Variants in STX18 observed in about 807,000 individuals in gnomAD.
The protein encoded by STX18 is syntaxin 18, also known as syntaxin-18.
In STX18, 40 loss-of-function variants were observed where a neutral mutation model predicts 50.1. That is an observed-to-expected ratio of 0.80 (90% CI 0.62 to 1.04). The LOEUF is 1.04. Ranked by LOEUF, STX18 falls within the 50% of genes least tolerant of loss-of-function variation. The pLI, the probability that STX18 is intolerant of heterozygous loss-of-function variation, is 0.00. For synonymous variants in STX18, 158 were observed against 151.8 expected (o/e 1.04, Z -0.30); for missense variants, 410 against 415.8 (o/e 0.99, Z 0.12).
At chr4:4,529,036 T>C (rs1251217426) in intron 1 of STX18, among the ~76,000 whole-genome samples, 2 of 152,158 alleles carry the variant, frequency 1.3e-5, no homozygotes, top group East Asian at 3.8e-4. Context: ...TTTTCTCTTT[T>C]CCCCAAAAGC....
intron 1 of STX18, among the ~76,000 whole-genome samples, chr4:4,517,322 C>T (rs1730315057): frequency 1.3e-5 from 2 of 152,108 alleles, no homozygotes; most frequent in Admixed American, 6.6e-5. Context: ...AATAGAAACA[C>T]CCCAACATCA....
intron 7 of STX18, among the ~76,000 whole-genome samples, chr4:4,429,458 C>T (rs773235991): frequency 2.6e-5 from 4 of 152,130 alleles, no homozygotes; most frequent in Non-Finnish European, 5.9e-5. Flanking sequence ...TATAAAATGA[C>T]GCCAAGAGAA....
chr4:4,504,007 A>C (rs1262798344), intron 1 of STX18, among the ~76,000 whole-genome samples: 3 of 152,192 alleles, frequency 2.0e-5, no homozygotes, highest in African/African-American at 7.2e-5. Context: ...AAATTCTTTT[A>C]GGGGATACAT....
At chr4:4,472,815 T>C (rs1186225332) in intron 1 of STX18, among the ~76,000 whole-genome samples, 3 of 152,184 alleles carry the variant, frequency 2.0e-5, no homozygotes, top group African/African-American at 4.8e-5. Context: ...CAAAATAGCA[T>C]TGATCACAAA....
chr4:4,440,454 G>C (rs1485894337), intron 5 of STX18, among the ~76,000 whole-genome samples: 1 of 152,218 alleles, frequency 6.6e-6, no homozygotes, highest in Admixed American at 6.5e-5. Context: ...CATGACCTCA[G>C]GGAACCTAGC....
At chr4:4,461,993 G>A in intron 2 of STX18, 2 of 456,280 alleles carry the variant, frequency 4.4e-6, no homozygotes, top group Non-Finnish European at 8.8e-6. Context: ...AGGGGCTGCG[G>A]CTGCGCAGTG....
At chr4:4,502,784 T>C (rs1729515895) in intron 1 of STX18, among the ~76,000 whole-genome samples, 1 of 152,164 alleles carries the variant, frequency 6.6e-6, no homozygotes, top group African/African-American at 2.4e-5. Context: ...GTCCCTAACC[T>C]TCATCTGTCT....
rs540895022 is a variant in STX18 at position 4,479,821 on chromosome 4, C to T, written c.169-8115G>A. Among the ~76,000 whole-genome samples the T allele has an allele frequency of 2.0e-5, 3 of 152,316 alleles. No homozygotes were observed. The South Asian group carries it at 6.2e-4, about 32-fold the overall frequency. On this transcript the variant is annotated intron_variant, in intron 1 of 10. Transcript: ENST00000306200. ...AAAAGACTCTCTTACATTATCTGCT[C>T]TTATACACATAAAGGTTTTACTAGG...
chr4:4,528,271 G>T (rs951816880), intron 1 of STX18, among the ~76,000 whole-genome samples: 4 of 152,126 alleles, frequency 2.6e-5, no homozygotes, highest in African/African-American at 7.2e-5. Flanking sequence ...CTCTTGATGT[G>T]ATCCCCAATA....
At chr4:4,468,365 A>G (rs1006074678) in intron 2 of STX18, among the ~76,000 whole-genome samples, 3 of 152,196 alleles carry the variant, frequency 2.0e-5, no homozygotes, top group African/African-American at 7.2e-5. Context: ...CTGAGCACGG[A>G]GACCTAACTG....
rs1727406570 is a variant in STX18, at chr4:4,462,011, T to G, written c.237-2524A>C. 8 of 456,068 alleles carry G rather than the reference T, an allele frequency of 1.8e-5. No individual in the cohort carries two copies. The Admixed American group carries it at 1.9e-4, about 11-fold the overall frequency. The allele number at this position is 456,068 out of a possible 1,614,324, so 28.3% of individuals were successfully genotyped here. A position where few individuals can be genotyped will look rare whatever the true frequency, so the allele number is the denominator to read the frequency against. ...GGCTGCGGCTGCGCAGTGGCACTAA[T>G]GCCTGAGTGTGTCTAATTCAAGAGC... is the stretch of plus-strand genomic sequence containing the variant. On this transcript the variant is annotated intron_variant, in intron 2 of 10. Coordinates refer to ENST00000306200, the MANE Select transcript of STX18 (RefSeq NM_016930.4).
At chr4:4,539,134 G>A (rs1203116779) in intron 1 of STX18, among the ~76,000 whole-genome samples, 1 of 152,120 alleles carries the variant, frequency 6.6e-6, no homozygotes, top group Non-Finnish European at 1.5e-5. Context: ...TCAGTGAGAT[G>A]GAAATCTGGC....
At chr4:4,483,416 C>A (rs1157174846) in intron 1 of STX18, among the ~76,000 whole-genome samples, 1 of 152,076 alleles carries the variant, frequency 6.6e-6, no homozygotes, top group Non-Finnish European at 1.5e-5. Flanking sequence ...TAGAAAAAAA[C>A]AAATGTTTAT....
At chr4:4,436,407 C>T (rs1320642451) in intron 6 of STX18, among the ~76,000 whole-genome samples, 1 of 151,722 alleles carries the variant, frequency 6.6e-6, no homozygotes, top group African/African-American at 2.4e-5. Flanking sequence ...CATCTACCCC[C>T]CACCCCCACC....
rs763726059 is a variant in STX18 at position 4,457,246 on chromosome 4, G to A, written c.442C>T (p.Leu148Phe). Residue 148 changes from leucine to phenylalanine, a missense_variant, in exon 5 of 11, where the codon CTT (leucine) becomes TTT (phenylalanine). Leu to Phe is a conservative substitution (Grantham distance 22, BLOSUM62 0). Transcript: ENST00000306200. The part of the protein sequence containing the change: ...IEDYLKRVCK[L>F]YSEQRAIRVK... Reference sequence around the variant, plus strand: ...CGGATGGCTCTCTGTTCTGAGTAAAGTTTACATACTCCTGTTGCAGAAGAA... The same window carrying A: ...CGGATGGCTCTCTGTTCTGAGTAAAATTTACATACTCCTGTTGCAGAAGAA... 1 of 1,613,990 alleles carries A rather than the reference G, an allele frequency of 6.2e-7. No homozygotes were observed. The highest frequency in any genetic ancestry group is 8.5e-7 in the Non-Finnish European group (1 of 1,179,928).
chr4:4,526,400 GA>G (rs1401742183), intron 1 of STX18, among the ~76,000 whole-genome samples: 1 of 152,214 alleles, frequency 6.6e-6, no homozygotes, highest in Admixed American at 6.5e-5. Context: ...TAATTAACTG[GA>G]TAGAGGACAG....
chr4:4,447,261 T>G lies in STX18; in HGVS notation c.498-8752A>C, dbSNP rs371734924. 1.6e-3 allele frequency among the ~76,000 whole-genome samples: 236 copies of G among 152,122 alleles called. 1 individual carries two copies. The highest frequency in any genetic ancestry group is 5.3e-3 in the African/African-American group (218 of 41,500). On this transcript the variant is annotated intron_variant, in intron 5 of 10. Transcript: ENST00000306200. The stretch of plus-strand genomic sequence containing the variant: ...TTTTTTCCAGTTACTAAATGACAAA[T>G]AGCAAAATTTCTTAGCCTGTTTTCC...
chr4:4,435,313 T>C (rs930096319), intron 6 of STX18, among the ~76,000 whole-genome samples: 5 of 152,196 alleles, frequency 3.3e-5, no homozygotes, highest in South Asian at 2.1e-4. Context: ...CAGGAAGTGA[T>C]ATACTGTTCT....
chr4:4,474,431 G>A (rs1201699516), intron 1 of STX18, among the ~76,000 whole-genome samples: 4 of 152,246 alleles, frequency 2.6e-5, no homozygotes, highest in South Asian at 2.1e-4. Flanking sequence ...ACCTGCTACC[G>A]TAGGCAGAAT....
Sources: gnomAD v4.1 joint callset for allele counts (sites outside exome capture counted in the v4.1 genomes callset) on GRCh38, gnomAD v4.1.1 for gene constraint, MANE v1.5 for transcripts, NCBI Gene and HGNC (gene_info 2026-07-23, HGNC 2026-07-21) for gene names.